The following MDH1 variants were observed in gnomAD, a reference collection of about 807,000 sequenced individuals.
MDH1 encodes malate dehydrogenase 1, also known as malate dehydrogenase, cytoplasmic.
A neutral mutation model predicts 38.7 loss-of-function variants in MDH1; 15 were observed. The observed-to-expected ratio is 0.39, with a 90% CI of 0.26 to 0.60. The LOEUF is 0.60. Among genes scored for constraint, MDH1 ranks in the 20% least tolerant of loss-of-function variants. The probability of loss-of-function intolerance (pLI) is 0.56; values close to 1 mark genes in which losing one functional copy is unlikely to be tolerated. For synonymous variants in MDH1, 144 were observed against 143.6 expected, an observed-to-expected ratio of 1.00 and a Z score of -0.02; for missense variants, 368 against 405.2, an observed-to-expected ratio of 0.91 and a Z score of 0.79.
At chr2:63,597,676 T>A (rs41284839) in intron 4 of MDH1, 102 bp downstream of exon 4, 16,794 of 1,056,936 alleles carry the variant, frequency 0.016, 175 homozygotes, top group Non-Finnish European at 0.018. Context: ...TTTTTCTAGT[T>A]CTGTACAATC....
intron 1 of MDH1, 87 bp downstream of exon 1, chr2:63,589,133 A>T: frequency 1.2e-6 from 2 of 1,613,576 alleles, no homozygotes; most frequent in Non-Finnish European, 1.7e-6. Context: ...TTTGGGAGGC[A>T]GCTGTGCAAG....
intron 1 of MDH1, 122 bp downstream of exon 1, chr2:63,589,168 A>G: frequency 6.2e-7 from 1 of 1,610,716 alleles, no homozygotes; most frequent in Non-Finnish European, 8.5e-7. Flanking sequence ...GCCCTTTGGC[A>G]AGCTCGGACT....
At chr2:63,602,045 A>G (rs998038443) in intron 5 of MDH1, among the ~76,000 whole-genome samples, 6 of 152,244 alleles carry the variant, frequency 3.9e-5, no homozygotes, top group Non-Finnish European at 8.8e-5. Flanking sequence ...CCAACTGTGA[A>G]CTAATTTGTG....
In MDH1 at chr2:63,595,414, AT is replaced by A; in HGVS notation, c.103-6del. 6.4e-7 allele frequency: 1 copy of A among 1,567,286 alleles called. No individual in the cohort carries two copies. Among genetic ancestry groups the A allele is most frequent in the Non-Finnish European group, 8.8e-7 (1 of 1,137,300 alleles). On this transcript the variant is annotated splice_polypyrimidine_tract_variant and splice_region_variant and intron_variant, in intron 2 of 8. Coordinates refer to ENST00000233114, the MANE Select transcript of MDH1 (RefSeq NM_005917.4). ...TACACTAACAGATGCTGTCCTTGCTATTTGGTAGCCTATAATTCTTGTGCTG... is the reference window on the plus strand; with the variant it reads ...TACACTAACAGATGCTGTCCTTGCTATTGGTAGCCTATAATTCTTGTGCTG...
chr2:63,600,860 C>T (rs2106618383), intron 5 of MDH1, among the ~76,000 whole-genome samples: 1 of 152,286 alleles, frequency 6.6e-6, no homozygotes. Flanking sequence ...GTTACAGTTG[C>T]AAACTCTGGA....
intron 7 of MDH1, 48 bp downstream of exon 7, chr2:63,605,441 C>T (rs1423463221): frequency 7.7e-7 from 1 of 1,295,208 alleles, no homozygotes; most frequent in Admixed American, 1.7e-5. Flanking sequence ...ATTTTTGTTG[C>T]CTGATGATAT....
chr2:63,605,417 G>C (rs1709509746), intron 7 of MDH1, 24 bp downstream of exon 7: 4 of 1,476,972 alleles, frequency 2.7e-6, no homozygotes, highest in Non-Finnish European at 2.8e-6. Flanking sequence ...GATTTGCACA[G>C]GTCACTCTAT....
intron 5 of MDH1, among the ~76,000 whole-genome samples, chr2:63,603,722 A>G (rs548179175): frequency 7.6e-5 from 10 of 131,110 alleles, no homozygotes; most frequent in African/African-American, 3.0e-4. Flanking sequence ...CAGTGGTGCG[A>G]TCTTGGCTCA....
chr2:63,594,322 A>G, intron 1 of MDH1, 166 bp from the exon 2 acceptor site: 1 of 729,430 alleles, frequency 1.4e-6, no homozygotes, highest in South Asian at 1.4e-5. Flanking sequence ...AAATAACACC[A>G]CGTAAATATG....
At chr2:63,602,687 T>C (rs1035190316) in intron 5 of MDH1, among the ~76,000 whole-genome samples, 1 of 152,152 alleles carries the variant, frequency 6.6e-6, no homozygotes, top group African/African-American at 2.4e-5. Context: ...CTCTCCCTTA[T>C]GGTCACACCA....
Position 63,593,628 on chromosome 2 carries a change from G to A in MDH1, c.4-860G>A, listed in dbSNP as rs114747273. 329 of 471,696 alleles carry A rather than the reference G, an allele frequency of 7.0e-4. 1 individual carries two copies. Among genetic ancestry groups the A allele is most frequent in the African/African-American group, 5.9e-3 (296 of 50,176 alleles). The allele number at this position is 471,696 out of a possible 1,614,324, so 29.2% of individuals were successfully genotyped here. On this transcript the variant is annotated intron_variant, in intron 1 of 8. Coordinates refer to ENST00000233114, the MANE Select transcript of MDH1 (RefSeq NM_005917.4). The stretch of plus-strand genomic sequence containing the variant: ...CATCAGTGGACCATTTCTCCATGCA[G>A]GTAGGGGTAAAGGTGACAGTGGAAG...
At chr2:63,605,856 G>A in intron 7 of MDH1, 83 bp from the exon 8 acceptor site, 1 of 1,100,780 alleles carries the variant, frequency 9.1e-7, no homozygotes, top group Non-Finnish European at 1.4e-6. Context: ...AGTAAGAAAG[G>A]GTCACCTGGT....
intron 4 of MDH1, 108 bp from the exon 5 acceptor site, chr2:63,599,062 C>A: frequency 2.0e-6 from 2 of 1,021,572 alleles, no homozygotes; most frequent in Non-Finnish European, 2.8e-6. Flanking sequence ...GTTTCCCAAG[C>A]CTCCCCTGTA....
chr2:63,600,308 C>G (rs1709394519), intron 5 of MDH1, among the ~76,000 whole-genome samples: 2 of 152,118 alleles, frequency 1.3e-5, no homozygotes, highest in African/African-American at 4.8e-5. Context: ...ATATGGGTAT[C>G]TCATATTATC....
In MDH1 at chr2:63,589,173, C is replaced by G; in HGVS notation, c.3+127C>G. 1.9e-6 allele frequency: 3 copies of G among 1,609,734 alleles called. No homozygotes were observed. The South Asian group carries it at 3.3e-5, about 18-fold the overall frequency. On this transcript the variant is annotated intron_variant, in intron 1 of 8. Coordinates refer to ENST00000233114, the MANE Select transcript of MDH1 (RefSeq NM_005917.4). ...TGTCCTTCGCGCCCTTTGGCAAGCT[C>G]GGACTCATCTTCTGGGGATTGCCGC...
chr2:63,603,655 CTTTT>C (rs11297982), intron 5 of MDH1, among the ~76,000 whole-genome samples: 2 of 99,110 alleles, frequency 2.0e-5, no homozygotes, highest in Admixed American at 2.4e-4. Context: ...CAAGACATTT[CTTTT>C]TTTTTTTTTT....
At chr2:63,602,358 T>G (rs1404464966) in intron 5 of MDH1, among the ~76,000 whole-genome samples, 5 of 147,954 alleles carry the variant, frequency 3.4e-5, no homozygotes, top group Non-Finnish European at 6.0e-5. Flanking sequence ...TTTTTTTTTT[T>G]TTTTTTTTTT....
chr2:63,594,529 A>G lies in MDH1; in HGVS notation c.45A>G (p.Gln15=), dbSNP rs17028056. 11,245 of 1,613,858 alleles carry G rather than the reference A, an allele frequency of 7.0e-3. 719 individuals carry two copies. The African/African-American group carries it at 0.13, about 19-fold the overall frequency. ...IRVLVTGAAG[Q]IAYSLLYSIG... ...TCCTTGTGACTGGAGCAGCTGGTCA[A>G]ATTGCATATTCACTGCTGTACAGTA... The change falls in exon 2 of 9, where the codon CAA becomes CAG. Residue 15 remains glutamine (Q), a synonymous_variant. Coordinates refer to ENST00000233114, the MANE Select transcript of MDH1 (RefSeq NM_005917.4).
chr2:63,599,188 C>G lies in MDH1; in HGVS notation c.394C>G (p.Pro132Ala). ...KSVKVIVVGN[P>A]ANTNCLTASK... Reference sequence around the variant, plus strand: ...CTCCTAGGTTATTGTTGTGGGTAATCCAGCCAATACCAACTGCCTGACTGC... The same window carrying G: ...CTCCTAGGTTATTGTTGTGGGTAATGCAGCCAATACCAACTGCCTGACTGC... Residue 132 changes from proline to alanine, a missense_variant, in exon 5 of 9, where the codon CCA (proline) becomes GCA (alanine). Coordinates refer to ENST00000233114, the MANE Select transcript of MDH1 (RefSeq NM_005917.4). 1 of 1,613,610 alleles carries G rather than the reference C, an allele frequency of 6.2e-7. No individual in the cohort carries two copies. The highest frequency in any genetic ancestry group is 8.5e-7 in the Non-Finnish European group (1 of 1,179,682).
Sources: gnomAD v4.1 joint callset for allele counts (sites outside exome capture counted in the v4.1 genomes callset) on GRCh38, gnomAD v4.1.1 for gene constraint, MANE v1.5 for transcripts, NCBI Gene and HGNC (gene_info 2026-07-23, HGNC 2026-07-21) for gene names.